The following MYO16 variants were observed in gnomAD, a reference collection of about 807,000 sequenced individuals.
MYO16 encodes the protein unconventional myosin-XVI.
MYO16 carries 94 observed loss-of-function variants against 205.3 expected under a neutral mutation model. The ratio of observed to expected loss-of-function variants is 0.46; its 90% confidence interval spans 0.39 to 0.54. The LOEUF is 0.54. Among genes scored for constraint, MYO16 ranks in the 20% least tolerant of loss-of-function variants. MYO16 has a pLI of 0.00. For missense variants in MYO16, 2,315 were observed against 2,387.5 expected (o/e 0.97, Z 0.63); for synonymous variants, 988 against 954.0 (o/e 1.04, Z -0.66).
At chr13:108,578,732 A>C in the MYO16 span, among the ~76,000 whole-genome samples, 1 of 152,124 alleles carries the variant, frequency 6.6e-6, no homozygotes, top group Admixed American at 6.6e-5. Flanking sequence ...GTCGAGATAC[A>C]CATCACTAAG....
At chr13:108,823,021 T>A in intron 8 of MYO16, 104 bp from the exon 9 acceptor site, 1 of 1,134,300 alleles carries the variant, frequency 8.8e-7, no homozygotes, top group South Asian at 1.6e-5. Flanking sequence ...CATACATTGA[T>A]AAATTTTTAG....
Position 108,634,938 on chromosome 13 carries a change from TAAC to T in MYO16, c.28+5071_28+5073del, listed in dbSNP as rs144719921. 1.7e-3 allele frequency among the ~76,000 whole-genome samples: 263 copies of T among 152,328 alleles called. 8 individuals carry two copies. In the East Asian group the frequency reaches 0.047, roughly 27 times the overall value. ...TTAGGCAGCCCTCCCTTCTGTCTCT[TAAC>T]AACATGGACATCTTTTCTGGCAAAT... On this transcript the variant is annotated intron_variant, in intron 1 of 34. Transcript: ENST00000457511.
At chr13:109,177,669 C>A (rs1165765355) in intron 33 of MYO16, among the ~76,000 whole-genome samples, 2 of 152,044 alleles carry the variant, frequency 1.3e-5, no homozygotes, top group Admixed American at 1.3e-4. Flanking sequence ...AGGTGTGCAC[C>A]ACCGTGCCCG....
At position 108,950,248 on chromosome 13, in the gene MYO16, A is replaced by G. The variant is rs571305202; in HGVS notation, c.1926-7440A>G. On this transcript the variant is annotated intron_variant, in intron 16 of 34. Coordinates refer to ENST00000457511, the MANE Select transcript of MYO16 (RefSeq NM_001198950.3). ...AAGACTTCATTAAAAATATCAGACA[A>G]GGTTCAGGCTGGGAGAAAATATTGC... Among the ~76,000 whole-genome samples the G allele has an allele frequency of 7.4e-4, 112 of 152,304 alleles. 1 individual carries two copies. The South Asian group carries it at 0.021, about 28-fold the overall frequency.
At chr13:108,660,224 A>C (rs904222972) in intron 1 of MYO16, among the ~76,000 whole-genome samples, 1 of 152,186 alleles carries the variant, frequency 6.6e-6, no homozygotes, top group African/African-American at 2.4e-5. Context: ...TGCCTTGTTA[A>C]AAGGGAATTT....
At chr13:108,745,942 C>T (rs1391400204) in intron 4 of MYO16, among the ~76,000 whole-genome samples, 1 of 152,096 alleles carries the variant, frequency 6.6e-6, no homozygotes, top group Non-Finnish European at 1.5e-5. Flanking sequence ...AATCCCAGCA[C>T]TTTGGGAGGC....
rs924738371 is a variant in MYO16, at chr13:108,629,710, C to A, written c.-135C>A. 12 of 715,498 alleles carry A rather than the reference C, an allele frequency of 1.7e-5. No individual in the cohort carries two copies. The East Asian group carries it at 2.8e-4, about 17-fold the overall frequency. The allele number at this position is 715,498 out of a possible 1,614,324, so 44.3% of individuals were successfully genotyped here. ...CTTTTTGCAGGATCATGGAACAGAG[C>A]CTCCATGCAATAGTGCATCCTGAGG... On this transcript the variant is annotated 5_prime_UTR_variant, in exon 1 of 35. Transcript: ENST00000457511.
At chr13:108,591,183 C>T (rs1219334424), upstream of MYO16, among the ~76,000 whole-genome samples, 1 of 152,204 alleles carries the variant, frequency 6.6e-6, no homozygotes, top group East Asian at 1.9e-4. Context: ...AAAAGATCAC[C>T]AGGAGAGTCC....
intron 16 of MYO16, among the ~76,000 whole-genome samples, chr13:108,917,798 T>G (rs1236344213): frequency 1.3e-5 from 2 of 152,220 alleles, no homozygotes; most frequent in Non-Finnish European, 2.9e-5. Flanking sequence ...ATGGTCAAAT[T>G]TATTATGTGA....
At chr13:108,904,557 G>A (rs1004227565) in intron 15 of MYO16, among the ~76,000 whole-genome samples, 4 of 152,136 alleles carry the variant, frequency 2.6e-5, no homozygotes, top group Non-Finnish European at 4.4e-5. Flanking sequence ...GCATATTCAT[G>A]TATGTTTTCC....
At chr13:108,601,961 C>T (rs1366527601) in intron 1 of MYO16, among the ~76,000 whole-genome samples, 2 of 151,938 alleles carry the variant, frequency 1.3e-5, no homozygotes, top group Non-Finnish European at 2.9e-5. Context: ...ACCGAAATCC[C>T]CAGTGTGGTC....
intron 15 of MYO16, among the ~76,000 whole-genome samples, chr13:108,903,997 G>T (rs1283650747): frequency 6.6e-6 from 1 of 152,124 alleles, no homozygotes; most frequent in Non-Finnish European, 1.5e-5. Context: ...ATTGGACAGG[G>T]AGTATCATCA....
intron 7 of MYO16, among the ~76,000 whole-genome samples, chr13:108,813,524 A>C (rs1338118829): frequency 6.6e-6 from 1 of 152,196 alleles, no homozygotes; most frequent in Non-Finnish European, 1.5e-5. Context: ...CTTTTTAAAG[A>C]GATACTTTCA....
At chr13:108,911,459 T>A (rs1484830272) in intron 16 of MYO16, among the ~76,000 whole-genome samples, 1 of 151,994 alleles carries the variant, frequency 6.6e-6, no homozygotes, top group East Asian at 1.9e-4. Flanking sequence ...AGATCTGATG[T>A]GGTGTCCAAG....
At chr13:109,085,638 C>T (rs1191401571) in intron 27 of MYO16, among the ~76,000 whole-genome samples, 1 of 152,186 alleles carries the variant, frequency 6.6e-6, no homozygotes, top group Non-Finnish European at 1.5e-5. Flanking sequence ...GTCATTCATT[C>T]CTAAATGATA....
At chr13:109,016,256 C>T (rs1348711048) in intron 22 of MYO16, among the ~76,000 whole-genome samples, 3 of 152,168 alleles carry the variant, frequency 2.0e-5, no homozygotes, top group Non-Finnish European at 4.4e-5. Flanking sequence ...GTTCAGTTTC[C>T]ATGTAGTTGA....
chr13:108,976,084 A>T (rs1328656190), intron 20 of MYO16, among the ~76,000 whole-genome samples: 1 of 152,200 alleles, frequency 6.6e-6, no homozygotes, highest in Non-Finnish European at 1.5e-5. Context: ...AACTTAATCT[A>T]AATGGTAGAC....
chr13:108,840,480 T>C (rs1877187352), intron 9 of MYO16, among the ~76,000 whole-genome samples: 1 of 152,232 alleles, frequency 6.6e-6, no homozygotes, highest in African/African-American at 2.4e-5. Flanking sequence ...AAATCATTTG[T>C]GTATTTATAT....
At chr13:108,820,066 TG>T (rs1875880658) in intron 7 of MYO16, among the ~76,000 whole-genome samples, 1 of 152,222 alleles carries the variant, frequency 6.6e-6, no homozygotes, top group African/African-American at 2.4e-5. Flanking sequence ...AATATAAACC[TG>T]AAAGTTATAA....
Sources: allele counts gnomAD v4.1 joint callset (sites outside exome capture counted in the v4.1 genomes callset), GRCh38; gene constraint gnomAD v4.1.1; transcripts MANE v1.5; gene names NCBI Gene and HGNC (gene_info 2026-07-23, HGNC 2026-07-21).